Variants in MAPKAPK5 observed in about 807,000 individuals in gnomAD.
The protein encoded by MAPKAPK5 is MAP kinase-activated protein kinase 5.
A neutral mutation model predicts 65.1 loss-of-function variants in MAPKAPK5; 30 were observed. The observed-to-expected ratio is 0.46, with a 90% CI of 0.34 to 0.63. MAPKAPK5 has a LOEUF of 0.63. MAPKAPK5 is among the 20% of genes least tolerant of loss of function. MAPKAPK5 has a pLI of 0.01. For missense variants in MAPKAPK5, 433 were observed against 581.4 expected (o/e 0.74, Z 2.63); for synonymous variants, 179 against 204.6 (o/e 0.87, Z 1.07).
chr12:111,877,178 C>CTCAGCCTCCCGAGTA (rs1555272148), intron 7 of MAPKAPK5, among the ~76,000 whole-genome samples: 1 of 152,076 alleles, frequency 6.6e-6, no homozygotes, highest in African/African-American at 2.4e-5. Flanking sequence ...CCACCACGCC[C>CTCAGCCTCCCGAGTA]GGCTAATTTT....
At chr12:111,870,574 T>C (rs1318192556) in intron 6 of MAPKAPK5, among the ~76,000 whole-genome samples, 1 of 152,208 alleles carries the variant, frequency 6.6e-6, no homozygotes, top group Non-Finnish European at 1.5e-5. Flanking sequence ...CTGATATGTA[T>C]TTGTGGGACT....
At chr12:111,881,403 CTTT>C (rs61349417) in intron 8 of MAPKAPK5, among the ~76,000 whole-genome samples, 3 of 110,700 alleles carry the variant, frequency 2.7e-5, no homozygotes, top group Admixed American at 9.7e-5. Flanking sequence ...CTGTCTGTTC[CTTT>C]TTTTTTTTTT....
At chr12:111,876,205 C>CAA (rs751802746) in intron 7 of MAPKAPK5, among the ~76,000 whole-genome samples, 82 of 43,364 alleles carry the variant, frequency 1.9e-3, no homozygotes, top group East Asian at 0.011. Flanking sequence ...GACTCCATCT[C>CAA]AAAAAAAAAA....
At position 111,871,168 on chromosome 12, in the gene MAPKAPK5, T is replaced by G. The variant is rs764597468; in HGVS notation, c.567T>G (p.Tyr189Ter). Residue 189 changes from tyrosine to a stop codon, truncating the protein, a stop_gained, in exon 7 of 14, where the codon TAT (tyrosine) becomes TAG (stop). Transcript: ENST00000550735. LOFTEE classifies it high-confidence loss of function. ...DLMTPQFTPY[Y>*]VAPQVLEAQR... ...TGACACCCCAGTTCACCCCTTATTA[T>G]GTAGCACCCCAGGTAAGCATGTGCG... The G allele has an allele frequency of 6.2e-7, 1 of 1,613,674 alleles. No individual in the cohort carries two copies. The highest frequency in any genetic ancestry group is 8.5e-7 in the Non-Finnish European group (1 of 1,179,740).
intron 1 of MAPKAPK5, among the ~76,000 whole-genome samples, chr12:111,853,163 A>G (rs2069135551): frequency 6.6e-6 from 1 of 151,990 alleles, no homozygotes; most frequent in African/African-American, 2.4e-5. Context: ...CAGGGGATCG[A>G]GTCCATCCTG....
rs1394418074 is a variant in MAPKAPK5, at chr12:111,901,948, C to T, written c.*8887C>T. 2.0e-5 allele frequency: 3 copies of T among 152,766 alleles called. No homozygotes were observed. The highest frequency in any genetic ancestry group is 7.2e-5 in the African/African-American group (3 of 41,452). 9.5% of individuals were successfully genotyped at this position (152,766 alleles called of 1,614,324 possible). On this transcript the variant is annotated 3_prime_UTR_variant, in exon 14 of 14. Coordinates refer to ENST00000550735, the MANE Select transcript of MAPKAPK5 (RefSeq NM_003668.4). ...TTTCATTTGAACCATTAACATGCAT[C>T]TTTGGACATCAATGTCCTTGTCTTT...
At chr12:111,890,257 T>C in intron 13 of MAPKAPK5, 113 bp downstream of exon 13, 1 of 765,716 alleles carries the variant, frequency 1.3e-6, no homozygotes, top group Non-Finnish European at 2.2e-6. Flanking sequence ...GAAGTGAGGC[T>C]GGCTGGAGAG....
chr12:111,888,315 C>A, intron 10 of MAPKAPK5, 173 bp from the exon 11 acceptor site: 1 of 801,278 alleles, frequency 1.2e-6, no homozygotes, highest in Non-Finnish European at 1.8e-6. Context: ...TTTCCTGGTT[C>A]CTGTTGATCC....
chr12:111,851,379 G>T (rs140992382), intron 1 of MAPKAPK5, among the ~76,000 whole-genome samples: 2,553 of 152,234 alleles, frequency 0.017, 78 homozygotes, highest in African/African-American at 0.056. Flanking sequence ...AGGTTGGAGT[G>T]CAGTGGGGTG....
intron 7 of MAPKAPK5, among the ~76,000 whole-genome samples, chr12:111,876,290 C>T (rs1041461374): frequency 6.6e-6 from 1 of 150,784 alleles, no homozygotes; most frequent in African/African-American, 2.4e-5. Flanking sequence ...AAACAGAAAT[C>T]CCAACAATTT....
intron 8 of MAPKAPK5, among the ~76,000 whole-genome samples, chr12:111,880,728 C>T (rs981904977): frequency 3.9e-5 from 6 of 152,090 alleles, no homozygotes; most frequent in Admixed American, 3.9e-4. Flanking sequence ...CAGCCAGACT[C>T]GCAGAAAAGT....
At chr12:111,853,868 T>G (rs1486785760) in intron 1 of MAPKAPK5, among the ~76,000 whole-genome samples, 1 of 152,122 alleles carries the variant, frequency 6.6e-6, no homozygotes, top group East Asian at 1.9e-4. Context: ...GGGTGTTGAG[T>G]TTTTGTTAAA....
chr12:111,891,593 A>T (rs1566281013), intron 13 of MAPKAPK5, among the ~76,000 whole-genome samples: 2 of 146,092 alleles, frequency 1.4e-5, no homozygotes, highest in Admixed American at 7.0e-5. Flanking sequence ...GGAGATCAAG[A>T]CCATCCTGGC....
intron 1 of MAPKAPK5, among the ~76,000 whole-genome samples, chr12:111,864,389 A>T (rs767632139): frequency 2.0e-5 from 3 of 152,132 alleles, no homozygotes; most frequent in Non-Finnish European, 2.9e-5. Flanking sequence ...TTTAGTAGAC[A>T]CGGGGTTTCA....
At chr12:111,891,088 G>GTT (rs1001001377) in intron 13 of MAPKAPK5, among the ~76,000 whole-genome samples, 1 of 151,678 alleles carries the variant, frequency 6.6e-6, no homozygotes, top group African/African-American at 2.4e-5. Flanking sequence ...TGTTGTTGTT[G>GTT]TTTTTTGTTT....
In MAPKAPK5 at chr12:111,883,766, G is replaced by A; in HGVS notation, c.846G>A (p.Arg282=). The change falls in exon 9 of 14, where the codon AGG becomes AGA. Residue 282 remains arginine (R), a splice_region_variant and synonymous_variant. Coordinates refer to ENST00000550735, the MANE Select transcript of MAPKAPK5 (RefSeq NM_003668.4). The surrounding 1 kb of genome is among the most constrained non-coding windows in gnomAD (Gnocchi z 4.8). ...CAGAGATGGCCAAAGATGTTGTGAGGAAGTGAGTTCACGGGCTGCTGGGCA... is the reference window on the plus strand; with the variant it reads ...CAGAGATGGCCAAAGATGTTGTGAGAAAGTGAGTTCACGGGCTGCTGGGCA... The part of the protein sequence containing the change: ...QISEMAKDVV[R]KLLKVKPEER... 3 of 1,613,178 alleles carry A rather than the reference G, an allele frequency of 1.9e-6. No individual in the cohort carries two copies. Among genetic ancestry groups the A allele is most frequent in the Non-Finnish European group, 2.5e-6 (3 of 1,179,592 alleles).
rs762429513 is a variant in MAPKAPK5 at position 111,900,653 on chromosome 12, CTG to C, written c.*7594_*7595del. The C allele has an allele frequency of 4.7e-4, 214 of 456,130 alleles. 1 individual carries two copies. The highest frequency in any genetic ancestry group is 8.6e-4 in the Non-Finnish European group (195 of 226,810). The allele number at this position is 456,130 out of a possible 1,614,324, so 28.3% of individuals were successfully genotyped here. On this transcript the variant is annotated 3_prime_UTR_variant, in exon 14 of 14. Transcript: ENST00000550735. The stretch of plus-strand genomic sequence containing the variant: ...AGCATCATGCATGCTGTGATGAAAA[CTG>C]TATACTGAAGGCGAAAGCAGAGTGC...
intron 1 of MAPKAPK5, among the ~76,000 whole-genome samples, chr12:111,863,510 ATCCTAT>A (rs1369442757): frequency 5.3e-5 from 8 of 152,050 alleles, no homozygotes; most frequent in Non-Finnish European, 7.4e-5. Flanking sequence ...GTAAGCAAAT[ATCCTAT>A]TCCTGTATAC....
Position 111,883,791 on chromosome 12 carries a change from A to G in MAPKAPK5, c.848+23A>G. On this transcript the variant is annotated intron_variant, in intron 9 of 13. Coordinates refer to ENST00000550735, the MANE Select transcript of MAPKAPK5 (RefSeq NM_003668.4). This position sits in a 1 kb window ranked among gnomAD's most constrained non-coding sequence, Gnocchi z 4.8. ...GAAGTGAGTTCACGGGCTGCTGGGCATGGAGGCCAAGGAGGCCTCCAGGTG... is the reference window on the plus strand; with the variant it reads ...GAAGTGAGTTCACGGGCTGCTGGGCGTGGAGGCCAAGGAGGCCTCCAGGTG... 1.9e-6 allele frequency: 3 copies of G among 1,608,000 alleles called. No individual in the cohort carries two copies. Among genetic ancestry groups the G allele is most frequent in the South Asian group, 1.1e-5 (1 of 90,532 alleles).
Sources: gnomAD v4.1 joint callset for allele counts (sites outside exome capture counted in the v4.1 genomes callset) on GRCh38, gnomAD v4.1.1 for gene constraint, Gnocchi (gnomAD v3.1) non-coding constraint, MANE v1.5 for transcripts, NCBI Gene and HGNC (gene_info 2026-07-23, HGNC 2026-07-21) for gene names.